Variants in RAB9A observed in about 807,000 individuals in gnomAD.
The protein encoded by RAB9A is RAB9A, member RAS oncogene family, also known as ras-related protein Rab-9A.
In RAB9A, 1 loss-of-function variant was observed where a neutral mutation model predicts 10.3. The ratio of observed to expected loss-of-function variants is 0.10; its 90% CI spans 0.03 to 0.46. The LOEUF is 0.46. RAB9A is among the 20% of genes least tolerant of loss of function. The pLI is 0.96. For synonymous variants in RAB9A, 39 were observed against 55.2 expected, an observed-to-expected ratio of 0.71 and a Z score of 1.30; for missense variants, 92 against 150.3, an observed-to-expected ratio of 0.61 and a Z score of 2.03.
chrX:13,695,246 C>T (rs1451443684), intron 1 of RAB9A, among the ~76,000 whole-genome samples: 1 of 112,243 alleles, frequency 8.9e-6, no homozygotes, highest in Non-Finnish European at 1.9e-5. Flanking sequence ...TTGCTTTCCA[C>T]TTTCTAAATT....
intron 1 of RAB9A, among the ~76,000 whole-genome samples, chrX:13,693,061 C>G (rs2046132935): frequency 8.9e-6 from 1 of 112,376 alleles, no homozygotes; most frequent in Admixed American, 9.4e-5. Flanking sequence ...ACTTAGGTCA[C>G]CACATTTCCT....
intron 1 of RAB9A, among the ~76,000 whole-genome samples, chrX:13,691,579 G>C (rs2046123510): frequency 1.1e-5 from 1 of 94,366 alleles, no homozygotes; most frequent in African/African-American, 4.0e-5. Context: ...AGAATCGCTT[G>C]AACCTGGGAG....
At chrX:13,698,620 A>G (rs887975574) in intron 1 of RAB9A, among the ~76,000 whole-genome samples, 1 of 111,232 alleles carries the variant, frequency 9.0e-6, no homozygotes, top group Non-Finnish European at 1.9e-5. Context: ...TTAATTCTTT[A>G]TTTATTTTTC....
chrX:13,704,262 A>G (rs776031399), intron 2 of RAB9A, among the ~76,000 whole-genome samples: 3 of 112,372 alleles, frequency 2.7e-5, no homozygotes, highest in African/African-American at 6.5e-5. Context: ...TCCTCTTGAT[A>G]TAATTTCATA....
At chrX:13,690,737 C>T (rs2046117382) in intron 1 of RAB9A, among the ~76,000 whole-genome samples, 1 of 111,704 alleles carries the variant, frequency 9.0e-6, no homozygotes, top group African/African-American at 3.3e-5. Flanking sequence ...TGAGCACTCA[C>T]TCTGCGGCGA....
At chrX:13,703,510 T>C (rs1341601853) in intron 1 of RAB9A, among the ~76,000 whole-genome samples, 1 of 112,366 alleles carries the variant, frequency 8.9e-6, no homozygotes, top group Non-Finnish European at 1.9e-5. Context: ...GACTGCTGTA[T>C]GTAAGTCCCA....
At chrX:13,691,966 G>T (rs1239459905) in intron 1 of RAB9A, among the ~76,000 whole-genome samples, 1 of 108,733 alleles carries the variant, frequency 9.2e-6, no homozygotes, top group Non-Finnish European at 1.9e-5. Context: ...GCTACTCAAG[G>T]ACAGGGGCCA....
chrX:13,689,688 T>C (rs951105510), intron 1 of RAB9A, among the ~76,000 whole-genome samples: 1 of 111,737 alleles, frequency 8.9e-6, no homozygotes, highest in African/African-American at 3.3e-5. Flanking sequence ...GAATGATTAA[T>C]GTAGGGAAAA....
chrX:13,701,170 AC>A (rs200135939), intron 1 of RAB9A, among the ~76,000 whole-genome samples: 13 of 106,053 alleles, frequency 1.2e-4, no homozygotes, highest in Admixed American at 2.0e-4. Context: ...TATTTTTATT[AC>A]CCCCCCAAAA....
intron 1 of RAB9A, among the ~76,000 whole-genome samples, chrX:13,690,975 C>G (rs1254232636): frequency 3.6e-5 from 4 of 110,999 alleles, no homozygotes; most frequent in Non-Finnish European, 7.5e-5. Flanking sequence ...ATTTTGTCCT[C>G]GTAGGAGACA....
chrX:13,695,371 C>T (rs1295654836), intron 1 of RAB9A, among the ~76,000 whole-genome samples: 1 of 111,756 alleles, frequency 8.9e-6, no homozygotes. Context: ...ACTTGACCTG[C>T]CCTATTTAGT....
chrX:13,696,280 G>C (rs2046147649), intron 1 of RAB9A, among the ~76,000 whole-genome samples: 1 of 108,251 alleles, frequency 9.2e-6, no homozygotes, highest in African/African-American at 3.4e-5. Context: ...AAATTAGCCA[G>C]TCTTGGTGGT....
At chrX:13,691,971 G>A (rs2046126815) in intron 1 of RAB9A, among the ~76,000 whole-genome samples, 1 of 108,796 alleles carries the variant, frequency 9.2e-6, no homozygotes, top group African/African-American at 3.4e-5. Flanking sequence ...TCAAGGACAG[G>A]GGCCAGGTGT....
At position 13,700,135 on chromosome X, in the gene RAB9A, G is replaced by C. The variant is rs187680086; in HGVS notation, c.-115-3679G>C. Among the ~76,000 whole-genome samples the C allele has an allele frequency of 5.0e-4, 56 of 111,595 alleles. 1 individual carries two copies. In the East Asian group the frequency reaches 8.7e-3, roughly 17 times the overall value. On this transcript the variant is annotated intron_variant, in intron 1 of 2. Transcript: ENST00000464506. ...GGCTAATTTGTGTATTTTTTGTAGA[G>C]ATGGGGTTTCACCATGTTGCCCAGG...
intron 1 of RAB9A, among the ~76,000 whole-genome samples, chrX:13,692,482 A>G (rs1272513807): frequency 1.8e-5 from 2 of 112,416 alleles, no homozygotes; most frequent in African/African-American, 3.2e-5. Context: ...TTGAGAAGCC[A>G]TTCTTGTTGA....
intron 1 of RAB9A, among the ~76,000 whole-genome samples, chrX:13,703,385 G>C (rs185749412): frequency 1.1e-3 from 128 of 112,480 alleles, no homozygotes; most frequent in African/African-American, 4.1e-3. Flanking sequence ...CAGTGTTGTA[G>C]CTTGCATACC....
intron 1 of RAB9A, among the ~76,000 whole-genome samples, chrX:13,696,709 CA>C (rs1569225004): frequency 2.7e-5 from 3 of 111,989 alleles, no homozygotes; most frequent in Non-Finnish European, 5.6e-5. Context: ...TGCTGACAAT[CA>C]GGGGGAAAGG....
intron 1 of RAB9A, among the ~76,000 whole-genome samples, chrX:13,700,817 C>A (rs936881460): frequency 1.8e-5 from 2 of 110,559 alleles, no homozygotes; most frequent in Non-Finnish European, 3.8e-5. Flanking sequence ...GTCACCCAGG[C>A]TGGAGTGCAG....
chrX:13,695,060 G>A (rs1295522622), intron 1 of RAB9A, among the ~76,000 whole-genome samples: 1 of 112,004 alleles, frequency 8.9e-6, no homozygotes, highest in Non-Finnish European at 1.9e-5. Context: ...GGAATCTACA[G>A]CCTTTCAGGG....
Sources: allele counts gnomAD v4.1 joint callset (sites outside exome capture counted in the v4.1 genomes callset), GRCh38; gene constraint gnomAD v4.1.1; transcripts MANE v1.5; gene names NCBI Gene and HGNC (gene_info 2026-07-23, HGNC 2026-07-21).